BCAR1: variants seen among roughly 807,000 people sequenced by gnomAD.
The protein encoded by BCAR1 is breast cancer anti-estrogen resistance protein 1.
BCAR1 carries 30 observed loss-of-function variants against 67.6 expected under a neutral mutation model. The observed-to-expected ratio is 0.44, with a 90% CI of 0.33 to 0.60. The LOEUF (loss-of-function observed/expected upper bound fraction) is 0.60. BCAR1 is among the 20% of genes least tolerant of loss of function. BCAR1 has a pLI of 0.02. For synonymous variants in BCAR1, 626 were observed against 556.7 expected (o/e 1.12, Z -1.75); for missense variants, 1,313 against 1,222.3 (o/e 1.07, Z -1.11).
Position 75,235,235 on chromosome 16 carries a change from A to C in BCAR1, c.1664T>G (p.Leu555Arg). 1 of 1,607,192 alleles carries C rather than the reference A, an allele frequency of 6.2e-7. No homozygotes were observed. Among genetic ancestry groups the C allele is most frequent in the Non-Finnish European group, 8.5e-7 (1 of 1,175,992 alleles). The change falls in exon 5 of 7, where the codon CTG becomes CGG. Residue 555 changes from leucine (L) to arginine (R), a missense_variant. By Grantham distance (102) the Leu-to-Arg change is moderately radical. Coordinates refer to ENST00000162330, the MANE Select transcript of BCAR1 (RefSeq NM_014567.5). ...GTCGAGGGCCTGACCATGTGCCACC[A>C]GCGTCTGGTGCACGTCCTCCATCTT... ...LQKMEDVHQT[L>R]VAHGQALDAG...
At chr16:75,264,045 G>T in intron 1 of BCAR1, 6 of 1,234,076 alleles carry the variant, frequency 4.9e-6, no homozygotes, top group Non-Finnish European at 6.1e-6. Context: ...CAAGGGAGAG[G>T]GTAGGAGATG....
chr16:75,234,151 G>GGGCA (rs2077008371), intron 5 of BCAR1, among the ~76,000 whole-genome samples: 1 of 129,476 alleles, frequency 7.7e-6, no homozygotes, highest in African/African-American at 3.0e-5. Flanking sequence ...GCACGTGCAG[G>GGGCA]GGCAGGCAGA....
intron 1 of BCAR1, among the ~76,000 whole-genome samples, chr16:75,250,334 C>T (rs11645408): frequency 0.19 from 29,635 of 152,040 alleles, 3,653 homozygotes; most frequent in East Asian, 0.47. Context: ...CCGACACCTG[C>T]TCTCACAGGC....
intron 1 of BCAR1, chr16:75,266,083 T>A: frequency 1.0e-6 from 1 of 987,734 alleles, no homozygotes; most frequent in Non-Finnish European, 1.2e-6. Context: ...GACCTAGGCC[T>A]TTTTCTGTCG....
At chr16:75,230,306 G>C (rs1217297756) in intron 6 of BCAR1, among the ~76,000 whole-genome samples, 1 of 152,178 alleles carries the variant, frequency 6.6e-6, no homozygotes, top group Non-Finnish European at 1.5e-5. Context: ...GTGGCTGCCT[G>C]GGGTCGGGGG....
upstream of BCAR1, chr16:75,252,258 C>A (rs769680788): frequency 5.2e-6 from 8 of 1,536,610 alleles, no homozygotes; most frequent in African/African-American, 6.8e-5. Context: ...GTGCCGACAT[C>A]TGGGGACTCG....
upstream of BCAR1, chr16:75,252,263 G>C (rs981056743): frequency 6.5e-7 from 1 of 1,536,712 alleles, no homozygotes. Flanking sequence ...GACATCTGGG[G>C]ACTCGGGCTG....
At chr16:75,238,363 T>C (rs931328169) in intron 2 of BCAR1, 1 of 1,101,100 alleles carries the variant, frequency 9.1e-7, no homozygotes. Context: ...CTTTTGTTCC[T>C]TCATCAAAGG....
intron 1 of BCAR1, chr16:75,263,118 T>A: frequency 1.2e-6 from 1 of 834,010 alleles, no homozygotes; most frequent in Non-Finnish European, 1.4e-6. Flanking sequence ...GCGGCATCCC[T>A]GAAAGGAGCC....
upstream of BCAR1, among the ~76,000 whole-genome samples, chr16:75,254,170 G>C (rs897716305): frequency 6.6e-6 from 1 of 152,100 alleles, no homozygotes; most frequent in Non-Finnish European, 1.5e-5. Flanking sequence ...ACACATTTCG[G>C]GGCACAGAAG....
chr16:75,237,397 G>C (rs2077181120), intron 2 of BCAR1, 53 bp from the exon 3 acceptor site: 3 of 1,410,426 alleles, frequency 2.1e-6, no homozygotes, highest in Admixed American at 3.4e-5. Context: ...CCTTAGGGAG[G>C]CTCCACTCAC....
At chr16:75,264,574 C>A in intron 1 of BCAR1, 1 of 1,350,240 alleles carries the variant, frequency 7.4e-7, no homozygotes, top group Non-Finnish European at 9.5e-7. Flanking sequence ...CTCACATCAG[C>A]ACAGTCTGGA....
intron 1 of BCAR1, among the ~76,000 whole-genome samples, chr16:75,259,850 TAAAAA>T (rs144448216): frequency 9.5e-5 from 7 of 73,464 alleles, no homozygotes; most frequent in African/African-American, 3.2e-4. Context: ...AGACTCCATC[TAAAAA>T]AAAAAAAAAA....
At chr16:75,244,096 A>G (rs964130116) in intron 1 of BCAR1, among the ~76,000 whole-genome samples, 1 of 152,220 alleles carries the variant, frequency 6.6e-6, no homozygotes, top group African/African-American at 2.4e-5. Context: ...CGGGTGTGAG[A>G]ACAGTGCCAG....
At chr16:75,261,245 C>G (rs777601808) in intron 1 of BCAR1, among the ~76,000 whole-genome samples, 1 of 152,222 alleles carries the variant, frequency 6.6e-6, no homozygotes, top group Non-Finnish European at 1.5e-5. Context: ...GGAGGACACA[C>G]GCAGGGCTGC....
At chr16:75,262,636 T>G (rs2077930041) in intron 1 of BCAR1, among the ~76,000 whole-genome samples, 1 of 152,130 alleles carries the variant, frequency 6.6e-6, no homozygotes, top group African/African-American at 2.4e-5. Flanking sequence ...AGGCCAGCTA[T>G]GAACCCCAGG....
chr16:75,251,410 C>G (rs1242419435), intron 1 of BCAR1, 61 bp downstream of exon 1: 1 of 1,477,858 alleles, frequency 6.8e-7, no homozygotes, highest in Non-Finnish European at 9.0e-7. Context: ...TCGCTTAACC[C>G]CTTCCAGCCC....
intron 1 of BCAR1, among the ~76,000 whole-genome samples, chr16:75,261,861 G>T (rs1056783701): frequency 6.6e-5 from 10 of 152,216 alleles, no homozygotes; most frequent in African/African-American, 2.2e-4. Flanking sequence ...TCAGGAATGG[G>T]TCTGAGCCAC....
chr16:75,246,691 A>T (rs1287360519), intron 1 of BCAR1: 2 of 152,544 alleles, frequency 1.3e-5, no homozygotes, highest in Non-Finnish European at 2.9e-5. Flanking sequence ...ATAAGCCCAG[A>T]CGAGCAAAGC....
Sources: gnomAD v4.1 joint callset for allele counts (sites outside exome capture counted in the v4.1 genomes callset) on GRCh38, gnomAD v4.1.1 for gene constraint, MANE v1.5 for transcripts, NCBI Gene and HGNC (gene_info 2026-07-23, HGNC 2026-07-21) for gene names.